Variants in RUNDC3B observed in about 807,000 individuals in gnomAD.
RUNDC3B encodes RUN domain containing 3B.
Under a neutral mutation model 58.4 loss-of-function variants are expected in RUNDC3B, and 33 were observed. That is an observed-to-expected ratio of 0.56 (90% CI 0.43 to 0.75). RUNDC3B has a LOEUF of 0.75. RUNDC3B is among the 30% of genes least tolerant of loss of function. RUNDC3B has a pLI of 0.00. For missense variants in RUNDC3B, 501 were observed against 535.7 expected, an observed-to-expected ratio of 0.94 and a Z score of 0.64; for synonymous variants, 193 against 195.2, an observed-to-expected ratio of 0.99 and a Z score of 0.10.
rs554954115 is a variant in RUNDC3B at position 87,698,813 on chromosome 7, T to A, written c.239-1608T>A. On this transcript the variant is annotated intron_variant, in intron 2 of 10. Transcript: ENST00000394654. ...CTTTTGAGGAGAAGTAAGCACAGGGTCCTGTGCCAACAGAGGGACTAGCTG... is the reference window on the plus strand; with the variant it reads ...CTTTTGAGGAGAAGTAAGCACAGGGACCTGTGCCAACAGAGGGACTAGCTG... 5.9e-5 allele frequency among the ~76,000 whole-genome samples: 9 copies of A among 152,244 alleles called. No homozygotes were observed. In the South Asian group the frequency reaches 1.9e-3, roughly 32 times the overall value.
intron 1 of RUNDC3B, among the ~76,000 whole-genome samples, chr7:87,648,116 C>A (rs1370233821): frequency 6.9e-6 from 1 of 145,156 alleles, no homozygotes; most frequent in Non-Finnish European, 1.5e-5. Context: ...ACCGGGGTGG[C>A]ATAGCTTACA....
intron 2 of RUNDC3B, among the ~76,000 whole-genome samples, chr7:87,651,941 A>T (rs1438213349): frequency 6.6e-6 from 1 of 152,094 alleles, no homozygotes; most frequent in East Asian, 1.9e-4. Flanking sequence ...TTTGCATTTT[A>T]AAAGGGTTTT....
At chr7:87,709,347 A>G (rs1829869772) in intron 3 of RUNDC3B, 5 of 985,226 alleles carry the variant, frequency 5.1e-6, no homozygotes, top group African/African-American at 1.7e-5. Flanking sequence ...TGTCTTTTAG[A>G]TGAAATTTCA....
At chr7:87,756,380 TGA>T (rs1833373955) in intron 6 of RUNDC3B, among the ~76,000 whole-genome samples, 1 of 152,012 alleles carries the variant, frequency 6.6e-6, no homozygotes, top group Admixed American at 6.6e-5. Context: ...AGAATATATT[TGA>T]GTTTTTATTA....
intron 4 of RUNDC3B, among the ~76,000 whole-genome samples, chr7:87,736,745 A>G (rs1357804746): frequency 6.8e-6 from 1 of 147,646 alleles, no homozygotes; most frequent in Non-Finnish European, 1.5e-5. Flanking sequence ...TGTTGAACTT[A>G]AGCAGTACAA....
intron 1 of RUNDC3B, among the ~76,000 whole-genome samples, chr7:87,633,853 T>C (rs749899869): frequency 6.6e-6 from 1 of 152,296 alleles, no homozygotes; most frequent in African/African-American, 2.4e-5. Flanking sequence ...ATCTGTCTTA[T>C]CCTGTTTTGT....
In RUNDC3B at chr7:87,650,893, A is replaced by G. The variant is rs993588026; in HGVS notation, c.194A>G (p.Asn65Ser). 1.2e-6 allele frequency: 2 copies of G among 1,612,908 alleles called. No homozygotes were observed. The highest frequency in any genetic ancestry group is 8.5e-7 in the Non-Finnish European group (1 of 1,179,262). Residue 65 changes from asparagine (N) to serine (S), a missense_variant, in exon 2 of 11, where the codon AAT (asparagine) becomes AGT (serine). Asn to Ser is a conservative substitution (Grantham distance 46, BLOSUM62 1). Coordinates refer to ENST00000394654, the MANE Select transcript of RUNDC3B (RefSeq NM_001134405.2). ...TIDDSSPEFN[N>S]FAAILEQILS... The stretch of plus-strand genomic sequence containing the variant: ...GATGATTCTTCTCCTGAATTTAACA[A>G]TTTTGCAGCTATTTTGGAACAGATT...
intron 8 of RUNDC3B, among the ~76,000 whole-genome samples, chr7:87,795,329 A>T (rs956976966): frequency 1.3e-5 from 2 of 152,226 alleles, no homozygotes; most frequent in African/African-American, 4.8e-5. Context: ...ATTTGAATTG[A>T]TATTTCTCAA....
intron 8 of RUNDC3B, among the ~76,000 whole-genome samples, chr7:87,786,376 T>C (rs1250724471): frequency 1.3e-5 from 2 of 152,254 alleles, no homozygotes; most frequent in East Asian, 3.9e-4. Flanking sequence ...TTTAGGAATT[T>C]GTATTTTGAT....
intron 6 of RUNDC3B, among the ~76,000 whole-genome samples, chr7:87,769,698 C>T (rs1834167329): frequency 6.6e-6 from 1 of 151,628 alleles, no homozygotes; most frequent in African/African-American, 2.4e-5. Flanking sequence ...AGGTTTGTTA[C>T]ATAGTTATAC....
chr7:87,780,141 A>G (rs1834847493), intron 8 of RUNDC3B, among the ~76,000 whole-genome samples: 1 of 152,212 alleles, frequency 6.6e-6, no homozygotes, highest in African/African-American at 2.4e-5. Context: ...TTTTGGATAT[A>G]TACCTAGTAA....
chr7:87,818,674 A>G (rs1421543828), intron 10 of RUNDC3B, among the ~76,000 whole-genome samples: 1 of 152,214 alleles, frequency 6.6e-6, no homozygotes, highest in East Asian at 1.9e-4. Context: ...AAATACAAGC[A>G]GGCTCTCATG....
At chr7:87,794,606 A>G (rs1294249521) in intron 8 of RUNDC3B, among the ~76,000 whole-genome samples, 2 of 151,482 alleles carry the variant, frequency 1.3e-5, no homozygotes, top group Non-Finnish European at 2.9e-5. Context: ...CAAAATACCA[A>G]TGAGAGTCTT....
chr7:87,680,216 T>C (rs1826789256), intron 2 of RUNDC3B, among the ~76,000 whole-genome samples: 2 of 150,480 alleles, frequency 1.3e-5, no homozygotes, highest in Non-Finnish European at 1.5e-5. Flanking sequence ...TCATCCCTTT[T>C]TGTGGCTGCG....
intron 4 of RUNDC3B, among the ~76,000 whole-genome samples, chr7:87,720,198 T>C (rs1271839806): frequency 1.3e-5 from 2 of 152,184 alleles, no homozygotes; most frequent in Non-Finnish European, 2.9e-5. Context: ...CTCACAAGAA[T>C]ATGTCAAAAG....
chr7:87,774,117 A>C (rs1294256243), intron 7 of RUNDC3B, among the ~76,000 whole-genome samples: 2 of 152,264 alleles, frequency 1.3e-5, no homozygotes, highest in East Asian at 3.9e-4. Context: ...ATATCAATAC[A>C]AACAGTTTAG....
At chr7:87,732,286 G>A (rs2130795772) in intron 4 of RUNDC3B, among the ~76,000 whole-genome samples, 2 of 152,092 alleles carry the variant, frequency 1.3e-5, no homozygotes, top group East Asian at 3.9e-4. Flanking sequence ...AGCAAGAAGT[G>A]CTTCAATCAA....
At chr7:87,675,240 G>A (rs1826208789) in intron 2 of RUNDC3B, among the ~76,000 whole-genome samples, 1 of 152,164 alleles carries the variant, frequency 6.6e-6, no homozygotes, top group Non-Finnish European at 1.5e-5. Flanking sequence ...CACTCTAAAT[G>A]CCTTCCCTCC....
chr7:87,630,157 A>AC (rs1821068877), intron 1 of RUNDC3B, among the ~76,000 whole-genome samples: 1 of 152,166 alleles, frequency 6.6e-6, no homozygotes, highest in Non-Finnish European at 1.5e-5. Flanking sequence ...ATGATGATGA[A>AC]ACTTTTTCTT....
Sources: allele counts gnomAD v4.1 joint callset (sites outside exome capture counted in the v4.1 genomes callset), GRCh38; gene constraint gnomAD v4.1.1; transcripts MANE v1.5; gene names NCBI Gene and HGNC (gene_info 2026-07-23, HGNC 2026-07-21).